CUBN: variants seen among roughly 807,000 people sequenced by gnomAD.
The protein encoded by CUBN is 460 kDa receptor.
CUBN carries 282 observed loss-of-function variants against 405.3 expected under a neutral mutation model. The ratio of observed to expected loss-of-function variants is 0.70; its 90% CI spans 0.63 to 0.77. The LOEUF (loss-of-function observed/expected upper bound fraction) is 0.77, where lower values mean the gene tolerates loss of function less well. Among genes scored for constraint, CUBN ranks in the 30% least tolerant of loss-of-function variants. The pLI, the probability that CUBN is intolerant of heterozygous loss-of-function variation, is 0.00. For synonymous variants in CUBN, 1,684 were observed against 1,617.0 expected, an observed-to-expected ratio of 1.04 and a Z score of -0.99; for missense variants, 4,514 against 4,475.2, an observed-to-expected ratio of 1.01 and a Z score of -0.25.
At chr10:16,923,447 G>T (rs936720810) in intron 43 of CUBN, among the ~76,000 whole-genome samples, 1 of 152,158 alleles carries the variant, frequency 6.6e-6, no homozygotes, top group Non-Finnish European at 1.5e-5. Flanking sequence ...AATAGATATG[G>T]TGGGAAGATA....
At position 16,828,726 on chromosome 10, in the gene CUBN, A is replaced by C. The variant is rs1838872231; in HGVS notation, c.10764+79T>G. The C allele has an allele frequency of 2.5e-6, 3 of 1,215,266 alleles. No homozygotes were observed. The East Asian group carries it at 7.1e-5, about 29-fold the overall frequency. The allele number at this position is 1,215,266 out of a possible 1,614,324, so 75.3% of individuals were successfully genotyped here. Reference sequence around the variant, plus strand: ...GACAAGAGCGAGATTCCATCTTAAAAAAAAAAAAAGTCTACACTAAGTGAC... The same window carrying C: ...GACAAGAGCGAGATTCCATCTTAAACAAAAAAAAAGTCTACACTAAGTGAC... On this transcript the variant is annotated intron_variant, in intron 66 of 66. Coordinates refer to ENST00000377833, the MANE Select transcript of CUBN (RefSeq NM_001081.4).
chr10:16,840,438 C>T lies in CUBN; in HGVS notation c.9924G>A (p.Trp3308Ter). ...DPDVPFSICT[W>*]VIDSPPHQQV... is the part of the protein sequence containing the mutation. Reference sequence around the variant, plus strand: ...GCTGATGCGGAGGGGAATCAATGACCCAAGTACAGATGGAAAATGGGACAT... The same window carrying T: ...GCTGATGCGGAGGGGAATCAATGACTCAAGTACAGATGGAAAATGGGACAT... The change falls in exon 62 of 67, where the codon TGG becomes TGA. Residue 3308 changes from tryptophan (W) to a stop codon, truncating the protein, a stop_gained. Transcript: ENST00000377833. LOFTEE classifies it high-confidence loss of function. 6.2e-7 allele frequency: 1 copy of T among 1,613,974 alleles called. No homozygotes were observed.
chr10:16,884,066 G>A (rs545476268), intron 56 of CUBN, among the ~76,000 whole-genome samples: 4 of 152,246 alleles, frequency 2.6e-5, no homozygotes, highest in Admixed American at 2.0e-4. Flanking sequence ...TGCAAGCTCC[G>A]CCTCCCGGGT....
At chr10:16,898,637 A>G (rs1178052364) in intron 54 of CUBN, among the ~76,000 whole-genome samples, 1 of 152,140 alleles carries the variant, frequency 6.6e-6, no homozygotes, top group Admixed American at 6.5e-5. Context: ...CCCCATTCCC[A>G]TCATTTTTAC....
intron 51 of CUBN, 82 bp downstream of exon 51, chr10:16,903,882 AAC>A: frequency 9.9e-7 from 1 of 1,008,200 alleles, no homozygotes; most frequent in Non-Finnish European, 1.4e-6. Context: ...AAATAAATCT[AAC>A]AAAATATATA....
At chr10:16,833,940 T>C (rs1178359872) in intron 64 of CUBN, among the ~76,000 whole-genome samples, 1 of 152,134 alleles carries the variant, frequency 6.6e-6, no homozygotes, top group Non-Finnish European at 1.5e-5. Flanking sequence ...AAGCACACTT[T>C]TTGGAAACTT....
At chr10:16,936,898 G>A (rs1442395665) in intron 39 of CUBN, among the ~76,000 whole-genome samples, 1 of 151,988 alleles carries the variant, frequency 6.6e-6, no homozygotes, top group Admixed American at 6.6e-5. Flanking sequence ...TGTATTTTTA[G>A]TAGAGATGGG....
chr10:16,856,526 G>A (rs1026709467), intron 59 of CUBN, among the ~76,000 whole-genome samples: 2 of 152,188 alleles, frequency 1.3e-5, no homozygotes, highest in African/African-American at 4.8e-5. Context: ...ACCTCAGAGT[G>A]AAGCTTAAGC....
In CUBN at chr10:16,970,119, G is replaced by A. The variant is rs567578708; in HGVS notation, c.4695+12365C>T. Among the ~76,000 whole-genome samples, 4 of 152,320 alleles carry A rather than the reference G, an allele frequency of 2.6e-5. No individual in the cohort carries two copies. In the South Asian group the frequency reaches 8.3e-4, roughly 32 times the overall value. On this transcript the variant is annotated intron_variant, in intron 31 of 66. Transcript: ENST00000377833. Reference sequence around the variant, plus strand: ...GTACACGTCCAGAAACAAGCACCTGGCAGTGTCTGGTACATATTTGGCACC... The same window carrying A: ...GTACACGTCCAGAAACAAGCACCTGACAGTGTCTGGTACATATTTGGCACC...
intron 28 of CUBN, among the ~76,000 whole-genome samples, chr10:17,007,409 G>C (rs1039125447): frequency 6.6e-6 from 1 of 152,172 alleles, no homozygotes; most frequent in Non-Finnish European, 1.5e-5. Flanking sequence ...ATAAAGCCTC[G>C]TTGTAGATCC....
intron 28 of CUBN, among the ~76,000 whole-genome samples, chr10:16,994,186 A>T (rs757860101): frequency 2.0e-5 from 3 of 152,184 alleles, no homozygotes; most frequent in Non-Finnish European, 4.4e-5. Flanking sequence ...AATTCCATTT[A>T]TTTATTCCTT....
intron 26 of CUBN, among the ~76,000 whole-genome samples, chr10:17,041,857 G>GA (rs1357952006): frequency 6.6e-6 from 1 of 152,056 alleles, no homozygotes; most frequent in Non-Finnish European, 1.5e-5. Flanking sequence ...TGAAATTACA[G>GA]AAAAAAAGTC....
chr10:16,901,308 G>A (rs746680872), intron 52 of CUBN, 30 bp downstream of exon 52: 4 of 1,613,826 alleles, frequency 2.5e-6, no homozygotes, highest in South Asian at 1.1e-5. Context: ...TATTGTCTCA[G>A]AAGCATTTCA....
chr10:16,839,760 T>G (rs1000935670), intron 62 of CUBN, among the ~76,000 whole-genome samples: 31 of 151,256 alleles, frequency 2.0e-4, no homozygotes, highest in Admixed American at 1.6e-3. Context: ...TAAAGACACA[T>G]GCACACGTAT....
intron 34 of CUBN, among the ~76,000 whole-genome samples, chr10:16,949,438 T>G (rs1406874021): frequency 9.5e-6 from 1 of 105,148 alleles, no homozygotes; most frequent in African/African-American, 3.5e-5. Context: ...TGGCCTGGTG[T>G]GTGTGTGTGT....
At chr10:17,057,457 G>A (rs897018453) in intron 22 of CUBN, among the ~76,000 whole-genome samples, 2 of 152,050 alleles carry the variant, frequency 1.3e-5, no homozygotes, top group African/African-American at 4.8e-5. Flanking sequence ...GTCTGGTGTG[G>A]AGCCCCAACT....
In CUBN at chr10:17,111,046, C is replaced by A. The variant is rs1836761347; in HGVS notation, c.888G>T (p.Trp296Cys). ...SFYCGACPTG[W>C]QGNGYICEDI... is the part of the protein sequence containing the mutation. ...CTTCGCAAATATATCCATTGCCTTG[C>A]CAGCCTAGGAAAACAAGAGGATTTA... The change falls in exon 9 of 67, where the codon TGG becomes TGT. Residue 296 changes from tryptophan (W) to cysteine (C), a missense_variant. Physicochemically the swap from Trp to Cys is radical, Grantham distance 215. Transcript: ENST00000377833. 6.2e-7 allele frequency: 1 copy of A among 1,614,032 alleles called. No homozygotes were observed. The highest frequency in any genetic ancestry group is 8.5e-7 in the Non-Finnish European group (1 of 1,179,978).
chr10:16,864,011 C>A (rs1440573269), intron 59 of CUBN, among the ~76,000 whole-genome samples: 1 of 151,954 alleles, frequency 6.6e-6, no homozygotes, highest in Non-Finnish European at 1.5e-5. Context: ...GCTTACCCAA[C>A]AATTATATAA....
chr10:17,092,726 C>T (rs1464619319), intron 14 of CUBN, among the ~76,000 whole-genome samples: 2 of 152,138 alleles, frequency 1.3e-5, no homozygotes, highest in East Asian at 1.9e-4. Context: ...AAGAGGAACC[C>T]TCAGTTCCAG....
Sources: allele counts gnomAD v4.1 joint callset (sites outside exome capture counted in the v4.1 genomes callset), GRCh38; gene constraint gnomAD v4.1.1; transcripts MANE v1.5; gene names NCBI Gene and HGNC (gene_info 2026-07-23, HGNC 2026-07-21).